Variants in RBFOX1 observed in about 807,000 individuals in gnomAD.
The protein encoded by RBFOX1 is RNA binding fox-1 homolog 1.
Under a neutral mutation model 57.7 loss-of-function variants are expected in RBFOX1, and 8 were observed. The ratio of observed to expected loss-of-function variants is 0.14; its 90% CI spans 0.08 to 0.25. The LOEUF (loss-of-function observed/expected upper bound fraction) is 0.25. RBFOX1 is among the 10% of genes least tolerant of loss of function. The probability of loss-of-function intolerance (pLI) is 1.00; values close to 1 mark genes in which losing one functional copy is unlikely to be tolerated. For synonymous variants in RBFOX1, 326 were observed against 222.4 expected (o/e 1.47, Z -4.15); for missense variants, 611 against 548.5 (o/e 1.11, Z -1.14).
At chr16:6,700,382 G>C (rs563232807) in intron 3 of RBFOX1, among the ~76,000 whole-genome samples, 3 of 152,248 alleles carry the variant, frequency 2.0e-5, no homozygotes, top group Admixed American at 2.0e-4. Context: ...TTTTGACCAG[G>C]TGTCATGTCT....
chr16:5,411,195 A>C (rs2067012430), intron 1 of RBFOX1, among the ~76,000 whole-genome samples: 1 of 152,244 alleles, frequency 6.6e-6, no homozygotes, highest in Non-Finnish European at 1.5e-5. Context: ...CTTAATCCCC[A>C]GAAAGTGCGA....
chr16:5,697,683 G>A (rs932695410), intron 3 of RBFOX1, among the ~76,000 whole-genome samples: 13 of 135,084 alleles, frequency 9.6e-5, no homozygotes, highest in East Asian at 8.8e-4. Context: ...ACAGGTGTGC[G>A]CCACCACGCT....
chr16:5,380,256 T>C (rs1431015034), intron 1 of RBFOX1, among the ~76,000 whole-genome samples: 1 of 152,172 alleles, frequency 6.6e-6, no homozygotes, highest in African/African-American at 2.4e-5. Context: ...CGGTCGACTT[T>C]CAGTAGGTAG....
intron 13 of RBFOX1, among the ~76,000 whole-genome samples, chr16:7,675,772 G>A (rs1383809527): frequency 1.3e-5 from 2 of 152,134 alleles, no homozygotes; most frequent in Non-Finnish European, 2.9e-5. Flanking sequence ...TTATGGTGAT[G>A]GTGAGGACAC....
intron 2 of RBFOX1, among the ~76,000 whole-genome samples, chr16:6,438,917 C>G (rs1465126891): frequency 1.3e-5 from 2 of 152,154 alleles, no homozygotes; most frequent in East Asian, 1.9e-4. Flanking sequence ...TTTTGCAACT[C>G]ATAATATGGA....
chr16:6,494,332 C>T (rs1402410484), intron 2 of RBFOX1, among the ~76,000 whole-genome samples: 1 of 152,138 alleles, frequency 6.6e-6, no homozygotes, highest in Non-Finnish European at 1.5e-5. Flanking sequence ...GCAGTTCCAT[C>T]CTGAGGTTCC....
At position 7,091,400 on chromosome 16, in the gene RBFOX1, T is replaced by C. The variant is rs543736291; in HGVS notation, c.27+39302T>C. Among the ~76,000 whole-genome samples the C allele has an allele frequency of 2.6e-4, 40 of 152,096 alleles. No homozygotes were observed. In the East Asian group the frequency reaches 6.4e-3, roughly 24 times the overall value. Reference sequence around the variant, plus strand: ...TTAGAAATATCATTTTATACAAACATACCTGGGTTTAAAATGGGAGAAGAG... The same window carrying C: ...TTAGAAATATCATTTTATACAAACACACCTGGGTTTAAAATGGGAGAAGAG... On this transcript the variant is annotated intron_variant, in intron 4 of 15. Transcript: ENST00000550418.
chr16:7,357,642 A>G (rs1476088745), intron 4 of RBFOX1, among the ~76,000 whole-genome samples: 1 of 151,768 alleles, frequency 6.6e-6, no homozygotes, highest in Admixed American at 6.6e-5. Context: ...TTTCTGAGCC[A>G]TTTTCAGTCT....
chr16:6,232,575 G>T (rs955450603), intron 1 of RBFOX1, among the ~76,000 whole-genome samples: 3 of 152,090 alleles, frequency 2.0e-5, no homozygotes, highest in Non-Finnish European at 4.4e-5. Context: ...ATCTTGCCTT[G>T]GAGATTGACT....
chr16:5,502,971 T>C (rs941540300), intron 2 of RBFOX1, among the ~76,000 whole-genome samples: 3 of 152,252 alleles, frequency 2.0e-5, no homozygotes, highest in African/African-American at 7.2e-5. Flanking sequence ...TGGATCATTC[T>C]ATTTAGACGT....
chr16:5,243,141 G>C (rs537784306), intron 1 of RBFOX1, among the ~76,000 whole-genome samples: 154 of 152,274 alleles, frequency 1.0e-3, no homozygotes, highest in African/African-American at 3.5e-3. Flanking sequence ...AATGATCCCA[G>C]GGTGTGTCTG....
At chr16:6,010,971 C>A (rs2094957787) in intron 4 of RBFOX1, among the ~76,000 whole-genome samples, 1 of 152,146 alleles carries the variant, frequency 6.6e-6, no homozygotes, top group South Asian at 2.1e-4. Context: ...TATTTTACTT[C>A]TTGGAGCATC....
intron 3 of RBFOX1, among the ~76,000 whole-genome samples, chr16:6,660,368 C>A (rs1256479878): frequency 6.6e-6 from 1 of 152,128 alleles, no homozygotes; most frequent in Non-Finnish European, 1.5e-5. Flanking sequence ...AACAAACCTG[C>A]ACATCCCGCA....
intron 3 of RBFOX1, among the ~76,000 whole-genome samples, chr16:6,697,505 T>A (rs1452339814): frequency 6.6e-6 from 1 of 152,214 alleles, no homozygotes; most frequent in Non-Finnish European, 1.5e-5. Context: ...CAGAATCTAA[T>A]ATCTCCTTAT....
chr16:7,474,037 C>G (rs1221353098), intron 4 of RBFOX1, among the ~76,000 whole-genome samples: 1 of 152,078 alleles, frequency 6.6e-6, no homozygotes, highest in Non-Finnish European at 1.5e-5. Flanking sequence ...GCCTGTGGTC[C>G]CAGCACTTTG....
intron 2 of RBFOX1, among the ~76,000 whole-genome samples, chr16:5,538,780 C>T (rs186163456): frequency 6.6e-5 from 10 of 152,178 alleles, no homozygotes; most frequent in Middle Eastern, 3.4e-3. Context: ...GCACGCACCA[C>T]CATGCCCAGC....
intron 2 of RBFOX1, among the ~76,000 whole-genome samples, chr16:6,546,530 C>T (rs1336885561): frequency 1.3e-5 from 2 of 152,168 alleles, no homozygotes. Flanking sequence ...CTCCATAGCA[C>T]CTCTGTCTGC....
chr16:6,144,321 T>G (rs2096741580), intron 1 of RBFOX1, among the ~76,000 whole-genome samples: 1 of 152,188 alleles, frequency 6.6e-6, no homozygotes, highest in Non-Finnish European at 1.5e-5. Flanking sequence ...TGTGGCAAAT[T>G]TAGGGTACCA....
intron 1 of RBFOX1, among the ~76,000 whole-genome samples, chr16:6,250,525 C>G (rs2097600759): frequency 6.6e-6 from 1 of 152,084 alleles, no homozygotes; most frequent in Admixed American, 6.6e-5. Context: ...GAAGATGTCC[C>G]CTTAGCTCCT....
Sources: gnomAD v4.1 joint callset for allele counts (sites outside exome capture counted in the v4.1 genomes callset) on GRCh38, gnomAD v4.1.1 for gene constraint, MANE v1.5 for transcripts, NCBI Gene and HGNC (gene_info 2026-07-23, HGNC 2026-07-21) for gene names.